Variants in NEBL observed in about 807,000 individuals in gnomAD.
NEBL encodes LIM and SH3 protein 2.
In NEBL, 122 loss-of-function variants were observed where a neutral mutation model predicts 140.2. The ratio of observed to expected loss-of-function variants is 0.87; its 90% CI spans 0.75 to 1.01. NEBL has a LOEUF of 1.01. Among genes scored for constraint, NEBL ranks in the 50% least tolerant of loss-of-function variants. The pLI, the probability that NEBL is intolerant of heterozygous loss-of-function variation, is 0.00. For synonymous variants in NEBL, 436 were observed against 398.9 expected, an observed-to-expected ratio of 1.09 and a Z score of -1.11; for missense variants, 1,365 against 1,231.3, an observed-to-expected ratio of 1.11 and a Z score of -1.62.
At chr10:20,910,196 T>C (rs961219869) in intron 4 of NEBL, among the ~76,000 whole-genome samples, 3 of 152,178 alleles carry the variant, frequency 2.0e-5, no homozygotes, top group Admixed American at 6.5e-5. Context: ...ATTATCTATA[T>C]AGTTAAGCAA....
At chr10:21,267,044 G>A (rs540362031) in intron 1 of NEBL, among the ~76,000 whole-genome samples, 14 of 151,860 alleles carry the variant, frequency 9.2e-5, no homozygotes, top group South Asian at 4.2e-4. Flanking sequence ...GCGCGATCTC[G>A]GCTCACTGCA....
Position 20,787,291 on chromosome 10 carries a change from C to G in NEBL, c.2779G>C (p.Ala927Pro). Residue 927 changes from alanine to proline, a missense_variant, in exon 27 of 28, where the codon GCC (alanine) becomes CCC (proline). Ala to Pro is a conservative substitution (Grantham distance 27, BLOSUM62 -1). Transcript: ENST00000377122. ...CCTTGGGAATGGCTTTGCTGATAGGCTCCGGGAAGAACAGGTGCTGCATGT... is the reference window on the plus strand; with the variant it reads ...CCTTGGGAATGGCTTTGCTGATAGGGTCCGGGAAGAACAGGTGCTGCATGT... ...SDEGAPVLPG[A>P]YQQSHSQGYG... 3 of 1,613,156 alleles carry G rather than the reference C, an allele frequency of 1.9e-6. No individual in the cohort carries two copies. The highest frequency in any genetic ancestry group is 2.5e-6 in the Non-Finnish European group (3 of 1,179,496).
intron 2 of NEBL, among the ~76,000 whole-genome samples, chr10:21,079,036 G>T (rs1254049745): frequency 6.6e-6 from 1 of 152,176 alleles, no homozygotes; most frequent in African/African-American, 2.4e-5. Flanking sequence ...AGATCTAAAT[G>T]ACAAATGGCA....
At chr10:21,214,058 T>A (rs1470468488) in intron 3 of NEBL, among the ~76,000 whole-genome samples, 1 of 152,102 alleles carries the variant, frequency 6.6e-6, no homozygotes, top group Non-Finnish European at 1.5e-5. Flanking sequence ...TACAGACAGA[T>A]AATTAAATCT....
At chr10:21,115,969 A>G (rs938865949) in intron 2 of NEBL, among the ~76,000 whole-genome samples, 2 of 152,006 alleles carry the variant, frequency 1.3e-5, no homozygotes, top group African/African-American at 4.8e-5. Context: ...GTTTCATTTT[A>G]GATAATTGCT....
At chr10:20,794,535 C>T (rs559152636) in intron 26 of NEBL, among the ~76,000 whole-genome samples, 1 of 152,182 alleles carries the variant, frequency 6.6e-6, no homozygotes, top group East Asian at 1.9e-4. Flanking sequence ...ATAAATGTAT[C>T]CTTTTAATCG....
chr10:20,847,266 G>A (rs1842036148), intron 11 of NEBL, among the ~76,000 whole-genome samples: 1 of 152,034 alleles, frequency 6.6e-6, no homozygotes, highest in Non-Finnish European at 1.5e-5. Flanking sequence ...ACTTTCTACT[G>A]AAAGATTTCA....
At chr10:21,211,055 G>A (rs1019430011) in intron 3 of NEBL, among the ~76,000 whole-genome samples, 4 of 152,110 alleles carry the variant, frequency 2.6e-5, no homozygotes, top group Non-Finnish European at 4.4e-5. Context: ...TTTGACATGG[G>A]CAACATGTCA....
intron 3 of NEBL, among the ~76,000 whole-genome samples, chr10:20,965,225 T>G (rs371471962): frequency 2.4e-4 from 37 of 152,308 alleles, no homozygotes; most frequent in African/African-American, 8.7e-4. Flanking sequence ...GGGGCTTATG[T>G]TAATTACAAT....
chr10:20,943,266 T>A (rs935893351), intron 4 of NEBL, among the ~76,000 whole-genome samples: 1 of 152,128 alleles, frequency 6.6e-6, no homozygotes, highest in Non-Finnish European at 1.5e-5. Flanking sequence ...GCCATAAAAA[T>A]TGATGAGTTC....
chr10:20,823,967 C>T (rs561920448), intron 18 of NEBL, among the ~76,000 whole-genome samples: 1 of 152,212 alleles, frequency 6.6e-6, no homozygotes, highest in South Asian at 2.1e-4. Flanking sequence ...CACCTTTATC[C>T]TGGCTTCTAC....
intron 1 of NEBL, among the ~76,000 whole-genome samples, chr10:21,252,841 G>C (rs1229863493): frequency 6.6e-6 from 1 of 152,144 alleles, no homozygotes; most frequent in Non-Finnish European, 1.5e-5. Flanking sequence ...TGTAATCCCA[G>C]CTACTTGGGA....
chr10:21,256,558 A>G (rs1842662196), intron 1 of NEBL, among the ~76,000 whole-genome samples: 1 of 152,190 alleles, frequency 6.6e-6, no homozygotes, highest in South Asian at 2.1e-4. Context: ...AGGCTGGATG[A>G]GGTAGCTCAT....
At chr10:21,279,931 T>C (rs1842971402) in intron 1 of NEBL, among the ~76,000 whole-genome samples, 1 of 152,048 alleles carries the variant, frequency 6.6e-6, no homozygotes, top group Non-Finnish European at 1.5e-5. Flanking sequence ...AAGGGAAGTA[T>C]CAGATCTACT....
chr10:20,865,606 C>A (rs1844194031), intron 7 of NEBL, among the ~76,000 whole-genome samples: 1 of 152,130 alleles, frequency 6.6e-6, no homozygotes, highest in Non-Finnish European at 1.5e-5. Context: ...AGGCCAGTAG[C>A]TATGCTGGAA....
At chr10:21,152,631 G>A (rs991057473) in intron 2 of NEBL, among the ~76,000 whole-genome samples, 3 of 151,774 alleles carry the variant, frequency 2.0e-5, no homozygotes, top group African/African-American at 7.3e-5. Context: ...AACAGGAAGA[G>A]GACAAAATTT....
chr10:20,882,534 A>G (rs767773966), intron 4 of NEBL, among the ~76,000 whole-genome samples: 5 of 152,208 alleles, frequency 3.3e-5, no homozygotes, highest in Non-Finnish European at 5.9e-5. Flanking sequence ...TGTGCCTAAC[A>G]TAGTGAATGA....
At chr10:21,203,814 G>T (rs1841781825) in intron 3 of NEBL, among the ~76,000 whole-genome samples, 1 of 152,198 alleles carries the variant, frequency 6.6e-6, no homozygotes, top group Non-Finnish European at 1.5e-5. Flanking sequence ...AACTCGGGAT[G>T]ACTGTGCCAG....
intron 11 of NEBL, among the ~76,000 whole-genome samples, chr10:20,847,006 G>A (rs1842011886): frequency 6.6e-6 from 1 of 152,010 alleles, no homozygotes; most frequent in Non-Finnish European, 1.5e-5. Context: ...CTTAATTATA[G>A]GCCATAGCAA....
Sources: gnomAD v4.1 joint callset for allele counts (sites outside exome capture counted in the v4.1 genomes callset) on GRCh38, gnomAD v4.1.1 for gene constraint, MANE v1.5 for transcripts, NCBI Gene and HGNC (gene_info 2026-07-23, HGNC 2026-07-21) for gene names.